MGAT4C: variants seen among roughly 807,000 people sequenced by gnomAD.
MGAT4C encodes MGAT4 family member C.
In MGAT4C, 19 loss-of-function variants were observed where a neutral mutation model predicts 40.1. The observed-to-expected ratio is 0.47, with a 90% CI of 0.33 to 0.70. The LOEUF (loss-of-function observed/expected upper bound fraction) is 0.70. Ranked by LOEUF, MGAT4C falls within the 30% of genes least tolerant of loss-of-function variation. MGAT4C has a pLI of 0.02. For synonymous variants in MGAT4C, 181 were observed against 187.1 expected (o/e 0.97, Z 0.27); for missense variants, 491 against 563.2 (o/e 0.87, Z 1.30).
chr12:86,647,528 G>A (rs894782611), intron 2 of MGAT4C, among the ~76,000 whole-genome samples: 1 of 151,702 alleles, frequency 6.6e-6, no homozygotes, highest in Non-Finnish European at 1.5e-5. Context: ...TATTACTTTT[G>A]AATTAAATCA....
chr12:86,791,932 G>A (rs1316277679), intron 1 of MGAT4C, among the ~76,000 whole-genome samples: 2 of 152,166 alleles, frequency 1.3e-5, no homozygotes, highest in African/African-American at 2.4e-5. Flanking sequence ...AGGCATTGTG[G>A]GTCCTCAGCA....
At chr12:86,778,675 G>A (rs938407891) in intron 1 of MGAT4C, among the ~76,000 whole-genome samples, 1 of 152,132 alleles carries the variant, frequency 6.6e-6, no homozygotes, top group African/African-American at 2.4e-5. Flanking sequence ...TCTCTAGGAC[G>A]TAGCTTTTCT....
chr12:86,499,450 T>C (rs1389650855), intron 2 of MGAT4C, among the ~76,000 whole-genome samples: 6 of 151,744 alleles, frequency 4.0e-5, no homozygotes, highest in Non-Finnish European at 8.8e-5. Context: ...GGAGAACCTG[T>C]TTCAAACTGG....
At chr12:86,157,451 T>C (rs933145637) in intron 1 of MGAT4C, among the ~76,000 whole-genome samples, 1 of 152,202 alleles carries the variant, frequency 6.6e-6, no homozygotes, top group Non-Finnish European at 1.5e-5. Flanking sequence ...GTGTCATTAT[T>C]ACCCTATTAT....
chr12:86,431,539 T>C (rs11834947), intron 3 of MGAT4C, among the ~76,000 whole-genome samples: 9,878 of 152,242 alleles, frequency 0.065, 772 homozygotes, highest in East Asian at 0.24. Flanking sequence ...ATAAACCCAT[T>C]ATAAGTTAAA....
intron 2 of MGAT4C, among the ~76,000 whole-genome samples, chr12:86,697,674 C>A (rs1335423893): frequency 9.9e-5 from 15 of 151,936 alleles, no homozygotes; most frequent in African/African-American, 3.6e-4. Context: ...TTACTAAAAG[C>A]TAAACAAGAA....
At chr12:86,774,368 C>CCCTT (rs139319044) in intron 1 of MGAT4C, among the ~76,000 whole-genome samples, 35,640 of 87,898 alleles carry the variant, frequency 0.41, 11,016 homozygotes, top group East Asian at 0.48. Flanking sequence ...CTCTCTCTCT[C>CCCTT]TCTTTCTGTC....
chr12:86,264,181 A>G (rs1602850), intron 4 of MGAT4C, among the ~76,000 whole-genome samples: 112,789 of 152,042 alleles, frequency 0.74, 42,134 homozygotes, highest in East Asian at 0.95. Flanking sequence ...GAAGCTTTTT[A>G]GTTTAAGTTC....
chr12:86,560,821 CAT>C (rs1307413058), intron 2 of MGAT4C, among the ~76,000 whole-genome samples: 1 of 151,972 alleles, frequency 6.6e-6, no homozygotes, highest in African/African-American at 2.4e-5. Flanking sequence ...AGAAATAAAA[CAT>C]AACAAAACTG....
rs141757323 is a variant in MGAT4C at position 86,237,074 on chromosome 12, G to C, written c.-57+19165C>G. On this transcript the variant is annotated intron_variant, in intron 1 of 4. Transcript: ENST00000611864. Reference sequence around the variant, plus strand: ...ATTTAGTGAGGAAAGGTGGGGGAGAGAGAGAGAAGCAAGAATGTGGATATA... The same window carrying C: ...ATTTAGTGAGGAAAGGTGGGGGAGACAGAGAGAAGCAAGAATGTGGATATA... 3.2e-3 allele frequency among the ~76,000 whole-genome samples: 478 copies of C among 151,218 alleles called. 1 individual carries two copies. Among genetic ancestry groups the C allele is most frequent in the African/African-American group, 0.011 (445 of 41,338 alleles).
intron 1 of MGAT4C, among the ~76,000 whole-genome samples, chr12:86,246,208 CAG>C (rs1952019441): frequency 9.8e-6 from 1 of 101,880 alleles, no homozygotes; most frequent in East Asian, 3.3e-4. Context: ...TTTTTTGAGA[CAG>C]AGTCTCGCTC....
chr12:86,606,627 C>T (rs2136468324), intron 2 of MGAT4C, among the ~76,000 whole-genome samples: 1 of 152,216 alleles, frequency 6.6e-6, no homozygotes, highest in East Asian at 1.9e-4. Flanking sequence ...ACTCAGAAAA[C>T]ACAGCTGTGC....
At chr12:86,518,949 C>T (rs1958744054) in intron 2 of MGAT4C, among the ~76,000 whole-genome samples, 1 of 152,016 alleles carries the variant, frequency 6.6e-6, no homozygotes, top group Non-Finnish European at 1.5e-5. Flanking sequence ...TAAAGGAATA[C>T]AGATTGCATT....
intron 2 of MGAT4C, among the ~76,000 whole-genome samples, chr12:86,644,010 G>A (rs1261017448): frequency 6.6e-6 from 1 of 151,446 alleles, no homozygotes; most frequent in Non-Finnish European, 1.5e-5. Flanking sequence ...AATAATTCAG[G>A]TTCTACATTT....
intron 2 of MGAT4C, among the ~76,000 whole-genome samples, chr12:86,611,020 G>A (rs1962237760): frequency 6.6e-6 from 1 of 151,868 alleles, no homozygotes; most frequent in African/African-American, 2.4e-5. Context: ...GCTGTGCTCA[G>A]TCATAGGCTG....
intron 4 of MGAT4C, among the ~76,000 whole-genome samples, chr12:86,326,773 G>A (rs1954538195): frequency 6.6e-6 from 1 of 151,954 alleles, no homozygotes; most frequent in African/African-American, 2.4e-5. Context: ...AAAACAGTGT[G>A]AACAATCAGA....
intron 1 of MGAT4C, among the ~76,000 whole-genome samples, chr12:86,203,880 C>A (rs895284463): frequency 3.3e-5 from 5 of 150,950 alleles, no homozygotes; most frequent in African/African-American, 1.2e-4. Flanking sequence ...TCACTTGAAC[C>A]CGGGAGGCAG....
chr12:86,644,596 G>A (rs1485039210), intron 2 of MGAT4C, among the ~76,000 whole-genome samples: 2 of 151,614 alleles, frequency 1.3e-5, no homozygotes, highest in Non-Finnish European at 3.0e-5. Flanking sequence ...AAGTATCAAC[G>A]AGCCAAATGC....
At chr12:86,547,671 G>A (rs1261215138) in intron 2 of MGAT4C, among the ~76,000 whole-genome samples, 1 of 152,060 alleles carries the variant, frequency 6.6e-6, no homozygotes, top group Non-Finnish European at 1.5e-5. Flanking sequence ...AACTAATTTA[G>A]AGTAGAGTTA....
Sources: allele counts gnomAD v4.1 joint callset (sites outside exome capture counted in the v4.1 genomes callset), GRCh38; gene constraint gnomAD v4.1.1; transcripts MANE v1.5; gene names NCBI Gene and HGNC (gene_info 2026-07-23, HGNC 2026-07-21).